The following ZGRF1 variants were observed in gnomAD, a reference collection of about 807,000 sequenced individuals.
The protein encoded by ZGRF1 is zinc finger GRF-type containing 1.
ZGRF1 carries 196 observed loss-of-function variants against 203.5 expected under a neutral mutation model. The observed-to-expected ratio is 0.96, with a 90% confidence interval of 0.86 to 1.08. The LOEUF is 1.08. ZGRF1 is among the 50% of genes least tolerant of loss of function. ZGRF1 has a pLI of 0.00. For missense variants in ZGRF1, 2,326 were observed against 2,416.3 expected, an observed-to-expected ratio of 0.96 and a Z score of 0.78; for synonymous variants, 809 against 841.3, an observed-to-expected ratio of 0.96 and a Z score of 0.66.
chr4:112,547,546 T>C (rs1739063471), intron 23 of ZGRF1, 138 bp from the exon 24 acceptor site: 2 of 741,782 alleles, frequency 2.7e-6, no homozygotes, highest in Non-Finnish European at 4.2e-6. Context: ...AGCTTAGTAG[T>C]GCTATTAAGC....
In ZGRF1 at chr4:112,619,252, A is replaced by T. The variant is rs1311530484; in HGVS notation, c.790T>A (p.Ser264Thr). ...GAATTTAGTTCCTCACATGAACTAG[A>T]TGATTCGGACTTCAGAAGAGCTAAT... ...QILALLKSESSSSCEELNSEM... is the reference protein window; with the variant it reads ...QILALLKSESTSSCEELNSEM... Residue 264 changes from serine (S) to threonine (T), a missense_variant, in exon 6 of 28, where the codon TCT becomes ACT. Ser to Thr is a moderately conservative substitution (Grantham distance 58). Transcript: ENST00000505019. 15 of 1,613,194 alleles carry T rather than the reference A, an allele frequency of 9.3e-6. No homozygotes were observed. The highest frequency in any genetic ancestry group is 1.3e-5 in the Non-Finnish European group (15 of 1,179,982).
In ZGRF1 at chr4:112,553,879, T is replaced by C; in HGVS notation, c.5302A>G (p.Ile1768Val). Residue 1768 changes from isoleucine (I) to valine (V), a missense_variant, in exon 22 of 28, where the codon ATT becomes GTT. Coordinates refer to ENST00000505019, the MANE Select transcript of ZGRF1 (RefSeq NM_018392.5). ...TTGGTCCCCAGTTTATGCTGCTCAA[T>C]GCTTTTTCTCACATAGACTCTTTCC... ...PTERVYVRKS[I>V]EQHKLGTNRT... 1 of 1,613,736 alleles carries C rather than the reference T, an allele frequency of 6.2e-7. No individual in the cohort carries two copies. The highest frequency in any genetic ancestry group is 8.5e-7 in the Non-Finnish European group (1 of 1,179,814).
chr4:112,623,125 C>T (rs996620687), intron 4 of ZGRF1, among the ~76,000 whole-genome samples: 3 of 152,166 alleles, frequency 2.0e-5, no homozygotes. Context: ...TATGTCCCTG[C>T]ATTAGTTTGC....
chr4:112,627,571 C>T (rs2047279526), intron 3 of ZGRF1, among the ~76,000 whole-genome samples: 1 of 152,110 alleles, frequency 6.6e-6, no homozygotes, highest in East Asian at 1.9e-4. Context: ...TGAAACCCGT[C>T]TCTACCAAAA....
chr4:112,596,073 TAAC>T (rs1447854018), intron 10 of ZGRF1, among the ~76,000 whole-genome samples: 3 of 152,194 alleles, frequency 2.0e-5, no homozygotes, highest in African/African-American at 7.2e-5. Context: ...CTGATGTAGA[TAAC>T]AATAACTAGA....
intron 14 of ZGRF1, among the ~76,000 whole-genome samples, chr4:112,585,286 A>G (rs913501547): frequency 1.3e-5 from 2 of 152,150 alleles, no homozygotes; most frequent in African/African-American, 4.8e-5. Context: ...TAGTAATAAT[A>G]AAAATAAATA....
rs780808157 is a variant in ZGRF1, at chr4:112,618,129, T to C, written c.1913A>G (p.Tyr638Cys). 5.6e-6 allele frequency: 9 copies of C among 1,613,930 alleles called. 1 individual carries two copies. In the South Asian group the frequency reaches 6.6e-5, roughly 12 times the overall value. The change falls in exon 6 of 28, where the codon TAT becomes TGT. Residue 638 changes from tyrosine to cysteine, a missense_variant. Transcript: ENST00000505019. ...TTCAAAATTGCTTAATGTGTCACTATACTCCTCTATTTCTTTTCCTGTGTT... is the reference window on the plus strand; with the variant it reads ...TTCAAAATTGCTTAATGTGTCACTACACTCCTCTATTTCTTTTCCTGTGTT... ...TENTGKEIEEYSDTLSNFESF... is the reference protein window; with the variant it reads ...TENTGKEIEECSDTLSNFESF...
At chr4:112,563,525 A>G (rs1742413381) in intron 16 of ZGRF1, among the ~76,000 whole-genome samples, 1 of 152,164 alleles carries the variant, frequency 6.6e-6, no homozygotes, top group South Asian at 2.1e-4. Flanking sequence ...ACAGAAAAAG[A>G]CTAAAGAGAT....
At chr4:112,589,694 C>T in intron 11 of ZGRF1, 30 bp downstream of exon 11, 3 of 1,593,400 alleles carry the variant, frequency 1.9e-6, no homozygotes, top group South Asian at 2.2e-5. Flanking sequence ...AATGAATAGA[C>T]AGATATTAGA....
At chr4:112,567,750 A>G (rs780348220) in intron 16 of ZGRF1, among the ~76,000 whole-genome samples, 1 of 152,070 alleles carries the variant, frequency 6.6e-6, no homozygotes, top group African/African-American at 2.4e-5. Flanking sequence ...ACATAGCAAG[A>G]CCCCATGGCT....
Position 112,614,732 on chromosome 4 carries a change from TAGG to T in ZGRF1, c.2603-2147_2603-2145del, listed in dbSNP as rs575269847. 1.2e-3 allele frequency among the ~76,000 whole-genome samples: 178 copies of T among 151,818 alleles called. 1 individual carries two copies. The highest frequency in any genetic ancestry group is 4.1e-3 in the African/African-American group (169 of 41,386). ...GTCCCAGCTATTTGGGAGGCTGAAG[TAGG>T]AGAATTGCTTAAACCCAGGAGGCGG... On this transcript the variant is annotated intron_variant, in intron 6 of 27. Coordinates refer to ENST00000505019, the MANE Select transcript of ZGRF1 (RefSeq NM_018392.5).
Position 112,589,715 on chromosome 4 carries a change from A to T in ZGRF1, c.3127+9T>A. The T allele has an allele frequency of 6.2e-7, 1 of 1,612,942 alleles. No homozygotes were observed. The highest frequency in any genetic ancestry group is 8.5e-7 in the Non-Finnish European group (1 of 1,179,002). ...TAGACAGATATTAGAGCAATGTGGTAACGACTACCCTCCAAGTTGAGAAAA... is the reference window on the plus strand; with the variant it reads ...TAGACAGATATTAGAGCAATGTGGTTACGACTACCCTCCAAGTTGAGAAAA... On this transcript the variant is annotated intron_variant, in intron 11 of 27. Transcript: ENST00000505019.
At chr4:112,582,723 G>C (rs942225910) in intron 15 of ZGRF1, among the ~76,000 whole-genome samples, 4 of 152,176 alleles carry the variant, frequency 2.6e-5, no homozygotes, top group African/African-American at 7.2e-5. Flanking sequence ...GCCTCCCAAA[G>C]TTCTGGGATT....
intron 22 of ZGRF1, among the ~76,000 whole-genome samples, chr4:112,550,083 T>C (rs1739632091): frequency 6.6e-6 from 1 of 152,034 alleles, no homozygotes; most frequent in African/African-American, 2.4e-5. Flanking sequence ...TCCCAGCTAC[T>C]TGGGAGGCTG....
At chr4:112,563,025 A>G (rs1428329635) in intron 17 of ZGRF1, 106 bp downstream of exon 17, 9 of 817,884 alleles carry the variant, frequency 1.1e-5, no homozygotes, top group Non-Finnish European at 1.5e-5. Context: ...TGTACACAAC[A>G]GTCGAAACTA....
chr4:112,614,291 C>T (rs1038824007), intron 6 of ZGRF1, among the ~76,000 whole-genome samples: 5 of 152,156 alleles, frequency 3.3e-5, no homozygotes, highest in Non-Finnish European at 5.9e-5. Flanking sequence ...TCGATCATTA[C>T]TCATGGATTC....
intron 7 of ZGRF1, among the ~76,000 whole-genome samples, chr4:112,611,407 T>TAAATAAAAACAA (rs1197330516): frequency 1.3e-5 from 2 of 150,402 alleles, no homozygotes; most frequent in African/African-American, 4.9e-5. Flanking sequence ...CATCTCAAAA[T>TAAATAAAAACAA]AAATAAAAAC....
chr4:112,559,440 G>A (rs1453082861), intron 19 of ZGRF1, among the ~76,000 whole-genome samples: 2 of 152,064 alleles, frequency 1.3e-5, no homozygotes, highest in South Asian at 2.1e-4. Context: ...GCTTAAGCGA[G>A]CTACCCTCCC....
In ZGRF1 at chr4:112,606,081, G is replaced by A. The variant is rs777166722; in HGVS notation, c.2729C>T (p.Ser910Leu). 6.1e-5 allele frequency: 96 copies of A among 1,585,240 alleles called. No homozygotes were observed. The highest frequency in any genetic ancestry group is 1.7e-4 in the Middle Eastern group (1 of 6,024). ...EPLQSVQFSS[S>L]GSKEETAFQA... ...AAAAGCAGTCTCTTCTTTACTTCCC[G>A]AGGAAGAGAACTAGGATAAAATATG... The change falls in exon 9 of 28, where the codon TCG becomes TTG. Residue 910 changes from serine (S) to leucine (L), a missense_variant. Physicochemically the swap from Ser to Leu is moderately radical, Grantham distance 145. Transcript: ENST00000505019.
Sources: allele counts gnomAD v4.1 joint callset (sites outside exome capture counted in the v4.1 genomes callset), GRCh38; gene constraint gnomAD v4.1.1; transcripts MANE v1.5; gene names NCBI Gene and HGNC (gene_info 2026-07-23, HGNC 2026-07-21).